USP31: variants seen among roughly 807,000 people sequenced by gnomAD.
USP31 encodes the protein ubiquitin carboxyl-terminal hydrolase 31.
In USP31, 44 loss-of-function variants were observed where a neutral mutation model predicts 119.4. The observed-to-expected ratio is 0.37, with a 90% confidence interval of 0.29 to 0.47. The LOEUF (loss-of-function observed/expected upper bound fraction) is 0.47, where lower values mean the gene tolerates loss of function less well. Ranked by LOEUF, USP31 falls within the 20% of genes least tolerant of loss-of-function variation. The probability of loss-of-function intolerance (pLI) is 0.99; values close to 1 mark genes in which losing one functional copy is unlikely to be tolerated. For synonymous variants in USP31, 749 were observed against 705.6 expected (o/e 1.06, Z -0.97); for missense variants, 1,643 against 1,730.2 (o/e 0.95, Z 0.89).
chr16:23,108,341 C>T (rs905730736), intron 1 of USP31, among the ~76,000 whole-genome samples, 158 bp from the exon 2 acceptor site: 3 of 152,146 alleles, frequency 2.0e-5, no homozygotes, highest in Non-Finnish European at 2.9e-5. Context: ...GTGTAAAAAC[C>T]TCACCCCTAG....
At chr16:23,127,445 A>T (rs971942268) in intron 1 of USP31, among the ~76,000 whole-genome samples, 2 of 152,086 alleles carry the variant, frequency 1.3e-5, no homozygotes, top group African/African-American at 2.4e-5. Flanking sequence ...ACCTCATTTT[A>T]AAAAAGATTA....
chr16:23,132,756 T>G (rs747377831), intron 1 of USP31, among the ~76,000 whole-genome samples: 13 of 152,204 alleles, frequency 8.5e-5, no homozygotes, highest in Non-Finnish European at 1.9e-4. Flanking sequence ...ATTCTTAGGT[T>G]CAAATACTGT....
chr16:23,145,130 T>C (rs4967977), intron 1 of USP31, among the ~76,000 whole-genome samples: 104,144 of 152,004 alleles, frequency 0.69, 35,982 homozygotes, highest in East Asian at 0.87. Context: ...TTCCTTGCCC[T>C]GCAAATTTCT....
chr16:23,070,653 G>A (rs541454990), intron 15 of USP31, among the ~76,000 whole-genome samples: 3 of 151,952 alleles, frequency 2.0e-5, no homozygotes, highest in African/African-American at 7.2e-5. Context: ...GGCGGAGCTT[G>A]CAGTGAGCCG....
chr16:23,129,900 C>A (rs1902976165), intron 1 of USP31, among the ~76,000 whole-genome samples: 1 of 152,170 alleles, frequency 6.6e-6, no homozygotes, highest in Admixed American at 6.5e-5. Flanking sequence ...AAAAGCACTA[C>A]AAGTGGGAGG....
At chr16:23,140,781 AG>A (rs1903332088) in intron 1 of USP31, among the ~76,000 whole-genome samples, 1 of 152,128 alleles carries the variant, frequency 6.6e-6, no homozygotes, top group South Asian at 2.1e-4. Flanking sequence ...CTCCTCAAAT[AG>A]GTATACAGCC....
chr16:23,113,154 C>A (rs1902378502), intron 1 of USP31, among the ~76,000 whole-genome samples: 1 of 151,994 alleles, frequency 6.6e-6, no homozygotes, highest in Non-Finnish European at 1.5e-5. Flanking sequence ...GCAGATGACA[C>A]CAAGGTCTCC....
chr16:23,083,098 G>A (rs763326177), intron 11 of USP31, among the ~76,000 whole-genome samples: 9 of 152,114 alleles, frequency 5.9e-5, no homozygotes, highest in Non-Finnish European at 7.3e-5. Flanking sequence ...CCAAAGTGCT[G>A]GGATTACAAG....
In USP31 at chr16:23,065,742, T is replaced by C. The variant is rs534849164; in HGVS notation, c.*2304A>G. 3 of 152,284 alleles carry C rather than the reference T, an allele frequency of 2.0e-5. No homozygotes were observed. The highest frequency in any genetic ancestry group is 2.1e-4 in the South Asian group (1 of 4,826). 9.4% of individuals were successfully genotyped at this position (152,284 alleles called of 1,614,324 possible). ...CTAGACATCGTGGAAAATCCATTCCTAGATAACTCAAGAATAAAAATATTT... is the reference window on the plus strand; with the variant it reads ...CTAGACATCGTGGAAAATCCATTCCCAGATAACTCAAGAATAAAAATATTT... On this transcript the variant is annotated 3_prime_UTR_variant, in exon 16 of 16. Transcript: ENST00000219689.
chr16:23,082,289 C>T, intron 12 of USP31, 149 bp downstream of exon 12: 1 of 1,071,178 alleles, frequency 9.3e-7, no homozygotes. Context: ...TTACCCTAAA[C>T]ACAGGGGCAA....
intron 1 of USP31, among the ~76,000 whole-genome samples, chr16:23,113,443 G>A (rs138432373): frequency 6.6e-6 from 1 of 152,288 alleles, no homozygotes; most frequent in East Asian, 1.9e-4. Context: ...AAGCAAAGAG[G>A]TGGCAGCCAG....
intron 11 of USP31, among the ~76,000 whole-genome samples, chr16:23,083,982 C>G (rs17796692): frequency 0.28 from 42,823 of 152,038 alleles, 6,359 homozygotes; most frequent in Admixed American, 0.35. Context: ...TCTGTCTTAA[C>G]GAGGCAAACT....
intron 6 of USP31, among the ~76,000 whole-genome samples, chr16:23,096,877 CAGGA>C (rs1277892466): frequency 6.6e-6 from 1 of 152,086 alleles, no homozygotes; most frequent in Non-Finnish European, 1.5e-5. Flanking sequence ...CAAATGCCCA[CAGGA>C]AAAAGCAGGA....
chr16:23,126,890 T>C (rs1902877206), intron 1 of USP31, among the ~76,000 whole-genome samples: 1 of 151,650 alleles, frequency 6.6e-6, no homozygotes, highest in African/African-American at 2.4e-5. Flanking sequence ...CACCCATATA[T>C]GAATACACAC....
Position 23,087,698 on chromosome 16 carries a change from G to A in USP31, c.1527+26C>T, listed in dbSNP as rs1380657103. ...TTCACTGAGTATATACCCATGCTAT[G>A]CTGGAATATCAAAATGCTTACAAAC... On this transcript the variant is annotated intron_variant, in intron 8 of 15. Coordinates refer to ENST00000219689, the MANE Select transcript of USP31 (RefSeq NM_020718.4). 3 of 1,590,856 alleles carry A rather than the reference G, an allele frequency of 1.9e-6. No homozygotes were observed. The African/African-American group carries it at 4.0e-5, about 21-fold the overall frequency.
At chr16:23,146,996 G>A (rs1405614629) in intron 1 of USP31, among the ~76,000 whole-genome samples, 1 of 150,654 alleles carries the variant, frequency 6.6e-6, no homozygotes, top group Non-Finnish European at 1.5e-5. Flanking sequence ...GGTGGGGGGT[G>A]AACAAGAGGT....
chr16:23,115,662 C>A (rs1471242040), intron 1 of USP31: 1 of 525,418 alleles, frequency 1.9e-6, no homozygotes, highest in Non-Finnish European at 2.4e-6. Context: ...TCCTATACAT[C>A]CTACTATAAA....
rs546869056 is a variant in USP31, at chr16:23,141,416, G to A, written c.633+7222C>T. Among the ~76,000 whole-genome samples the A allele has an allele frequency of 2.7e-5, 4 of 146,806 alleles. No homozygotes were observed. The East Asian group carries it at 7.9e-4, about 29-fold the overall frequency. ...TTTTTTGGACACAGGGTCTCACTCT[G>A]TAGCCCAGGCCAGAGGGCAGTGGCA... On this transcript the variant is annotated intron_variant, in intron 1 of 15. Coordinates refer to ENST00000219689, the MANE Select transcript of USP31 (RefSeq NM_020718.4).
intron 1 of USP31, among the ~76,000 whole-genome samples, chr16:23,127,052 T>C (rs1408009181): frequency 6.6e-6 from 1 of 152,206 alleles, no homozygotes; most frequent in African/African-American, 2.4e-5. Context: ...ACTTCAGCCA[T>C]ATATTGTATT....
Sources: gnomAD v4.1 joint callset for allele counts (sites outside exome capture counted in the v4.1 genomes callset) on GRCh38, gnomAD v4.1.1 for gene constraint, MANE v1.5 for transcripts, NCBI Gene and HGNC (gene_info 2026-07-23, HGNC 2026-07-21) for gene names.